The following MAPRE3 variants were observed in gnomAD, a reference collection of about 807,000 sequenced individuals.
MAPRE3 encodes microtubule-associated protein RP/EB family member 3.
MAPRE3 carries 2 observed loss-of-function variants against 30.5 expected under a neutral mutation model. The observed-to-expected ratio is 0.07, with a 90% CI of 0.03 to 0.21. MAPRE3 has a LOEUF of 0.21. Among genes scored for constraint, MAPRE3 ranks in the 10% least tolerant of loss-of-function variants. MAPRE3 has a pLI of 1.00. For missense variants in MAPRE3, 204 were observed against 351.8 expected (o/e 0.58, Z 3.36); for synonymous variants, 110 against 127.7 (o/e 0.86, Z 0.93).
Position 27,026,274 on chromosome 2 carries a change from C to G in MAPRE3, c.778-6C>G. ...CCACCACTTTCCTCTCTCTCCCACCCTCCAGGAAGGATTCGCACCCCCTGA... is the reference window on the plus strand; with the variant it reads ...CCACCACTTTCCTCTCTCTCCCACCGTCCAGGAAGGATTCGCACCCCCTGA... On this transcript the variant is annotated splice_polypyrimidine_tract_variant and splice_region_variant and intron_variant, in intron 6 of 6. Coordinates refer to ENST00000233121, the MANE Select transcript of MAPRE3 (RefSeq NM_012326.4). 6.8e-6 allele frequency: 11 copies of G among 1,612,720 alleles called. No homozygotes were observed. Among genetic ancestry groups the G allele is most frequent in the Non-Finnish European group, 9.3e-6 (11 of 1,179,298 alleles).
At chr2:27,001,958 G>T in intron 1 of MAPRE3, 1 of 152,362 alleles carries the variant, frequency 6.6e-6, no homozygotes. Context: ...TATTTTGCTC[G>T]TGAGGCAGGA....
intron 4 of MAPRE3, 30 bp downstream of exon 4, chr2:27,024,327 TG>T (rs1158810913): frequency 1.9e-5 from 31 of 1,602,000 alleles, no homozygotes; most frequent in Non-Finnish European, 2.4e-5. Flanking sequence ...GGAGGGAGCG[TG>T]GGGGGCCGGG....
intron 1 of MAPRE3, among the ~76,000 whole-genome samples, chr2:26,999,755 G>A (rs894140367): frequency 6.6e-6 from 1 of 151,868 alleles, no homozygotes; most frequent in Admixed American, 6.6e-5. Flanking sequence ...ACCTGCCTTG[G>A]CCTCCCAAAG....
chr2:27,010,901 T>C (rs1378061331), intron 1 of MAPRE3, among the ~76,000 whole-genome samples: 1 of 152,208 alleles, frequency 6.6e-6, no homozygotes, highest in Non-Finnish European at 1.5e-5. Flanking sequence ...GGGCAAGTGA[T>C]CAAGGACTCC....
intron 1 of MAPRE3, 111 bp from the exon 2 acceptor site, chr2:27,022,101 A>G (rs1272952066): frequency 4.6e-6 from 6 of 1,314,460 alleles, no homozygotes; most frequent in South Asian, 2.8e-5. Context: ...TGCGAGGCCA[A>G]TCTGGAGGGA....
intron 1 of MAPRE3, among the ~76,000 whole-genome samples, chr2:26,995,191 T>C (rs754581487): frequency 1.3e-5 from 2 of 152,214 alleles, no homozygotes; most frequent in Non-Finnish European, 2.9e-5. Context: ...TGGGTGTGGT[T>C]GTGTTCCAGT....
At position 26,996,374 on chromosome 2, in the gene MAPRE3, C is replaced by G. The variant is rs141855855; in HGVS notation, c.-8+25572C>G. Among the ~76,000 whole-genome samples, 1,263 of 152,038 alleles carry G rather than the reference C, an allele frequency of 8.3e-3. 19 individuals carry two copies. Among genetic ancestry groups the G allele is most frequent in the African/African-American group, 0.03 (1,226 of 41,432 alleles). On this transcript the variant is annotated intron_variant, in intron 1 of 6. Coordinates refer to ENST00000233121, the MANE Select transcript of MAPRE3 (RefSeq NM_012326.4). The stretch of plus-strand genomic sequence containing the variant: ...GCCTCACTATGTTGCCCACACTGGT[C>G]TTGAATTCCTGGGCTCAAGCGATAT...
chr2:26,984,780 A>G (rs1353736603), intron 1 of MAPRE3: 2 of 152,238 alleles, frequency 1.3e-5, no homozygotes, highest in African/African-American at 2.4e-5. Flanking sequence ...ACTAAGGATC[A>G]TATTCATTTA....
intron 1 of MAPRE3, among the ~76,000 whole-genome samples, chr2:27,006,275 T>C (rs1006198332): frequency 7.2e-5 from 11 of 152,202 alleles, no homozygotes; most frequent in South Asian, 6.2e-4. Flanking sequence ...GGCTTTGCCA[T>C]TGGGTGAAGA....
chr2:26,976,600 T>C (rs1323066230), intron 1 of MAPRE3, among the ~76,000 whole-genome samples: 6 of 152,360 alleles, frequency 3.9e-5, no homozygotes, highest in Admixed American at 1.3e-4. Flanking sequence ...GACCAGATGT[T>C]GTTAGTCAAC....
chr2:27,022,405 A>T (rs1488914483), intron 2 of MAPRE3, 66 bp downstream of exon 2: 4 of 1,588,966 alleles, frequency 2.5e-6, no homozygotes, highest in Non-Finnish European at 3.4e-6. Flanking sequence ...CGGAAGGCAG[A>T]GCAGCCACAA....
chr2:26,989,284 G>C (rs941590386), intron 1 of MAPRE3, among the ~76,000 whole-genome samples: 16 of 152,178 alleles, frequency 1.1e-4, no homozygotes, highest in African/African-American at 3.6e-4. Context: ...GGCAGTCCCT[G>C]TTTAGTTGTG....
chr2:27,008,785 G>A (rs1298987519), intron 1 of MAPRE3, among the ~76,000 whole-genome samples: 1 of 152,140 alleles, frequency 6.6e-6, no homozygotes, highest in East Asian at 1.9e-4. Flanking sequence ...ACCCAAAACT[G>A]GAGACAACCC....
Position 27,020,455 on chromosome 2 carries a change from T to C in MAPRE3, c.-7-1757T>C, listed in dbSNP as rs2148226823. Among the ~76,000 whole-genome samples, 2 of 152,370 alleles carry C rather than the reference T, an allele frequency of 1.3e-5. 1 individual carries two copies. Among genetic ancestry groups the C allele is most frequent in the South Asian group, 4.1e-4 (2 of 4,828 alleles). The stretch of plus-strand genomic sequence containing the variant: ...TTGACCTATCTTGTTTTTCCATTTC[T>C]GATAAAGATGTGGTTACAAGAAATA... On this transcript the variant is annotated intron_variant, in intron 1 of 6. Transcript: ENST00000233121.
intron 1 of MAPRE3, among the ~76,000 whole-genome samples, chr2:27,011,006 C>T (rs961652266): frequency 2.0e-5 from 3 of 152,148 alleles, no homozygotes; most frequent in Non-Finnish European, 4.4e-5. Context: ...GACCATATCG[C>T]CACCTCTGGT....
chr2:26,995,488 G>C (rs1666432031), intron 1 of MAPRE3: 1 of 152,166 alleles, frequency 6.6e-6, no homozygotes, highest in Non-Finnish European at 1.5e-5. Context: ...AAGAATGATG[G>C]GATGTGTCAA....
chr2:26,971,956 C>T (rs1476776814), intron 1 of MAPRE3, among the ~76,000 whole-genome samples: 1 of 152,178 alleles, frequency 6.6e-6, no homozygotes, highest in Non-Finnish European at 1.5e-5. Context: ...GCTACCCCTC[C>T]ACCTGCCCAT....
intron 1 of MAPRE3, among the ~76,000 whole-genome samples, chr2:26,989,292 G>A (rs974306479): frequency 6.6e-6 from 1 of 152,186 alleles, no homozygotes; most frequent in African/African-American, 2.4e-5. Flanking sequence ...CTGTTTAGTT[G>A]TGGTCAGGGA....
At chr2:27,024,374 C>A in intron 4 of MAPRE3, 77 bp downstream of exon 4, 2 of 1,352,614 alleles carry the variant, frequency 1.5e-6, no homozygotes, top group Admixed American at 2.5e-5. Flanking sequence ...GCCCCCTGGG[C>A]CACGGCCCGG....
Sources: allele counts gnomAD v4.1 joint callset (sites outside exome capture counted in the v4.1 genomes callset), GRCh38; gene constraint gnomAD v4.1.1; transcripts MANE v1.5; gene names NCBI Gene and HGNC (gene_info 2026-07-23, HGNC 2026-07-21).